The following PRRC2B variants were observed in gnomAD, a reference collection of about 807,000 sequenced individuals.
PRRC2B encodes proline rich coiled-coil 2B, also known as protein PRRC2B.
PRRC2B carries 68 observed loss-of-function variants against 242.3 expected under a neutral mutation model. That is an observed-to-expected ratio of 0.28 (90% CI 0.23 to 0.34). PRRC2B has a LOEUF of 0.34. Ranked by LOEUF, PRRC2B falls within the 10% of genes least tolerant of loss-of-function variation. The pLI, the probability that PRRC2B is intolerant of heterozygous loss-of-function variation, is 1.00. For missense variants in PRRC2B, 2,835 were observed against 2,954.8 expected, an observed-to-expected ratio of 0.96 and a Z score of 0.94; for synonymous variants, 1,228 against 1,173.6, an observed-to-expected ratio of 1.05 and a Z score of -0.95.
rs949478642 is a variant in PRRC2B at position 131,373,853 on chromosome 9, A to C, written c.-56+122A>C. ...GGCGGGCGGATCACAAGGTCAGGAG[A>C]TCGAGACCATCCTGGCTAACACGGT... On this transcript the variant is annotated intron_variant, in intron 1 of 1. Transcript: ENST00000682525. 2.0e-4 allele frequency: 31 copies of C among 152,216 alleles called. 1 individual carries two copies. Among genetic ancestry groups the C allele is most frequent in the Admixed American group, 1.0e-3 (16 of 15,266 alleles). The allele number at this position is 152,216 out of a possible 1,614,324, so 9.4% of individuals were successfully genotyped here.
At chr9:131,473,380 G>T in intron 14 of PRRC2B, 128 bp from the exon 15 acceptor site, 1 of 658,464 alleles carries the variant, frequency 1.5e-6, no homozygotes, top group Non-Finnish European at 2.6e-6. Context: ...TGATGTGTAG[G>T]TGGGTGGGGT....
In PRRC2B at chr9:131,482,879, C is replaced by T. The variant is rs1943909962; in HGVS notation, c.5345C>T (p.Pro1782Leu). The change falls in exon 22 of 32, where the codon CCA becomes CTA. Residue 1782 changes from proline to leucine, a missense_variant. Pro to Leu is a moderately conservative substitution (Grantham distance 98). Coordinates refer to ENST00000683519, the MANE Select transcript of PRRC2B (RefSeq NM_013318.4). The surrounding 1 kb of genome is among the most constrained non-coding windows in gnomAD (Gnocchi z 5.2). ...EIHVDSVLPV[P>L]PIEFGVSPKD... ...CACGTGGACTCCGTGCTGCCTGTGC[C>T]ACCCATTGAATTTGGAGTCAGTCCA... 2 of 1,607,944 alleles carry T rather than the reference C, an allele frequency of 1.2e-6. No individual in the cohort carries two copies. The highest frequency in any genetic ancestry group is 1.7e-6 in the Non-Finnish European group (2 of 1,177,218).
chr9:131,374,535 T>A (rs1483050575), intron 1 of PRRC2B, among the ~76,000 whole-genome samples: 1 of 152,112 alleles, frequency 6.6e-6, no homozygotes, highest in Non-Finnish European at 1.5e-5. Flanking sequence ...TTTTTTTTAT[T>A]TTTATTTTGA....
At chr9:131,376,844 A>C (rs1313146540) in intron 1 of PRRC2B, among the ~76,000 whole-genome samples, 2 of 151,990 alleles carry the variant, frequency 1.3e-5, no homozygotes, top group South Asian at 2.1e-4. Context: ...CCCATCTCTA[A>C]AATCATTCAA....
intron 2 of PRRC2B, among the ~76,000 whole-genome samples, chr9:131,431,101 C>T (rs1487569075): frequency 1.3e-5 from 2 of 152,112 alleles, no homozygotes; most frequent in Non-Finnish European, 2.9e-5. Context: ...CAGGCATGTG[C>T]CACCACGCCC....
intron 1 of PRRC2B, among the ~76,000 whole-genome samples, chr9:131,425,148 G>T (rs1196276789): frequency 6.6e-6 from 1 of 152,018 alleles, no homozygotes; most frequent in East Asian, 1.9e-4. Flanking sequence ...ACCATGCCTG[G>T]CTCCTTTTTG....
intron 12 of PRRC2B, among the ~76,000 whole-genome samples, chr9:131,465,580 A>G (rs1290239499): frequency 3.9e-5 from 6 of 152,268 alleles, no homozygotes; most frequent in East Asian, 1.9e-4. Context: ...CATCGTCACT[A>G]TTATCCTCGC....
rs374538244 is a variant in PRRC2B at position 131,398,052 on chromosome 9, G to A, written c.-52+3789G>A. Among the ~76,000 whole-genome samples, 4 of 152,336 alleles carry A rather than the reference G, an allele frequency of 2.6e-5. No homozygotes were observed. The East Asian group carries it at 7.7e-4, about 29-fold the overall frequency. The stretch of plus-strand genomic sequence containing the variant: ...TTGGGACAAAGAAATACAGGCACTG[G>A]CTGTGGTGTTGGAGATGGGAGCGAC... On this transcript the variant is annotated intron_variant, in intron 1 of 31. Coordinates refer to ENST00000683519, the MANE Select transcript of PRRC2B (RefSeq NM_013318.4).
rs1469801855 is a variant in PRRC2B, at chr9:131,481,752, G to A, written c.4927G>A (p.Asp1643Asn). ...QALPVQAPAN[D>N]SWRKAVTAFS... ...TCTCCCTGTGCAGGCCCCAGCCAAC[G>A]ACTCCTGGAGGAAAGCTGTCACTGC... is the stretch of plus-strand genomic sequence containing the variant. The change falls in exon 20 of 32, where the codon GAC becomes AAC. Residue 1643 changes from aspartate to asparagine, a missense_variant. This residue lies in a region of PRRC2B where 1,536 missense variants were observed against 1,483.1 expected (regional missense o/e 1.04). Coordinates refer to ENST00000683519, the MANE Select transcript of PRRC2B (RefSeq NM_013318.4). 4.5e-6 allele frequency: 7 copies of A among 1,566,054 alleles called. No homozygotes were observed. The highest frequency in any genetic ancestry group is 6.1e-6 in the Non-Finnish European group (7 of 1,156,180).
intron 1 of PRRC2B, among the ~76,000 whole-genome samples, chr9:131,396,428 C>T (rs1837060458): frequency 6.7e-6 from 1 of 149,872 alleles, no homozygotes; most frequent in East Asian, 2.0e-4. Flanking sequence ...TGGGTTCAAG[C>T]GATTCTCGTG....
chr9:131,444,109 C>G, intron 5 of PRRC2B, 76 bp from the exon 6 acceptor site: 1 of 1,545,998 alleles, frequency 6.5e-7, no homozygotes, highest in Non-Finnish European at 8.9e-7. Context: ...ACACGGCTTT[C>G]AAGGTGTGGA....
Position 131,475,391 on chromosome 9 carries a change from C to T in PRRC2B, c.3262C>T (p.Leu1088Phe). The change falls in exon 16 of 32, where the codon CTC becomes TTC. Residue 1088 changes from leucine to phenylalanine, a missense_variant. This residue lies in a region of PRRC2B where 1,536 missense variants were observed against 1,483.1 expected (regional missense o/e 1.04). Coordinates refer to ENST00000683519, the MANE Select transcript of PRRC2B (RefSeq NM_013318.4). ...GCCTGCTGGCGGAAATGGGAGCGGC[C>T]TCTGTGGTGGGGGGGTCCTGGGGGC... ...GRPAGGNGSGLCGGGVLGARS... is the reference protein window; with the variant it reads ...GRPAGGNGSGFCGGGVLGARS... 6.3e-7 allele frequency: 1 copy of T among 1,585,502 alleles called. No individual in the cohort carries two copies. Among genetic ancestry groups the T allele is most frequent in the East Asian group, 2.2e-5 (1 of 44,618 alleles).
intron 23 of PRRC2B, among the ~76,000 whole-genome samples, chr9:131,483,802 C>T (rs563840081): frequency 1.3e-4 from 20 of 152,272 alleles, no homozygotes; most frequent in Non-Finnish European, 2.4e-4. Flanking sequence ...GGGTCCCTGC[C>T]GCCTGCAATC....
rs1944056543 is a variant in PRRC2B at position 131,487,408 on chromosome 9, CG to C, written c.5984+118del. The C allele has an allele frequency of 7.3e-6, 3 of 410,812 alleles. No homozygotes were observed. The highest frequency in any genetic ancestry group is 1.4e-5 in the Non-Finnish European group (3 of 219,076). The allele number at this position is 410,812 out of a possible 1,614,324, so 25.4% of individuals were successfully genotyped here. Reference sequence around the variant, plus strand: ...CTTGTCTGCTTTGGGGCCAGTGGGGCGGGGAGGGGTGGGAGTTTGCTCTGAA... The same window carrying C: ...CTTGTCTGCTTTGGGGCCAGTGGGGCGGGAGGGGTGGGAGTTTGCTCTGAA... On this transcript the variant is annotated intron_variant, in intron 27 of 31. Coordinates refer to ENST00000683519, the MANE Select transcript of PRRC2B (RefSeq NM_013318.4). The surrounding 1 kb of genome is among the most constrained non-coding windows in gnomAD (Gnocchi z 5.3).
At chr9:131,431,838 G>T (rs530054725) in intron 2 of PRRC2B, among the ~76,000 whole-genome samples, 1 of 151,778 alleles carries the variant, frequency 6.6e-6, no homozygotes, top group Non-Finnish European at 1.5e-5. Context: ...CGCCCGCCTC[G>T]GCCTCCCAAA....
chr9:131,455,337 G>A (rs1943040385), intron 10 of PRRC2B, among the ~76,000 whole-genome samples, 171 bp downstream of exon 10: 1 of 151,998 alleles, frequency 6.6e-6, no homozygotes, highest in South Asian at 2.1e-4. Context: ...GGGGAGCCAG[G>A]GTTTGCCTGC....
chr9:131,381,078 T>C (rs1836753970), intron 1 of PRRC2B, among the ~76,000 whole-genome samples: 1 of 152,118 alleles, frequency 6.6e-6, no homozygotes, highest in Non-Finnish European at 1.5e-5. Context: ...AAGACTTGAT[T>C]ACTAAATTCT....
chr9:131,464,859 G>A lies in PRRC2B; in HGVS notation c.1501G>A (p.Glu501Lys), dbSNP rs1360734355. ...RQKFIQSEMS[E>K]AVERARKRRE... ...GAAGTTCATTCAGTCAGAGATGTCC[G>A]AGGCGGTGGAGCGAGCCCGAAAGCG... is the stretch of plus-strand genomic sequence containing the variant. The change falls in exon 12 of 32, where the codon GAG (glutamate) becomes AAG (lysine). Residue 501 changes from glutamate (E) to lysine (K), a missense_variant. Transcript: ENST00000683519. 3 of 1,613,670 alleles carry A rather than the reference G, an allele frequency of 1.9e-6. No individual in the cohort carries two copies. The highest frequency in any genetic ancestry group is 1.3e-5 in the African/African-American group (1 of 74,906).
chr9:131,458,440 A>C (rs1206531896), intron 10 of PRRC2B, among the ~76,000 whole-genome samples: 2 of 151,932 alleles, frequency 1.3e-5, no homozygotes, highest in Non-Finnish European at 2.9e-5. Context: ...ATACACTAAC[A>C]CTAACGATAG....
Sources: gnomAD v4.1 joint callset for allele counts (sites outside exome capture counted in the v4.1 genomes callset) on GRCh38, gnomAD v4.1.1 for gene constraint, gnomAD v4.1.1 regional missense constraint, Gnocchi (gnomAD v3.1) non-coding constraint, MANE v1.5 for transcripts, NCBI Gene and HGNC (gene_info 2026-07-23, HGNC 2026-07-21) for gene names.